Variants in PACSIN1 observed in about 807,000 individuals in gnomAD.
The protein encoded by PACSIN1 is protein kinase C and casein kinase substrate in neurons 1.
In PACSIN1, 15 loss-of-function variants were observed where a neutral mutation model predicts 59.5. The observed-to-expected ratio is 0.25, with a 90% CI of 0.17 to 0.39. The LOEUF (loss-of-function observed/expected upper bound fraction) is 0.39, where lower values mean the gene tolerates loss of function less well. Ranked by LOEUF, PACSIN1 falls within the 10% of genes least tolerant of loss-of-function variation. PACSIN1 has a pLI of 1.00. For missense variants in PACSIN1, 420 were observed against 580.2 expected (o/e 0.72, Z 2.84); for synonymous variants, 210 against 220.6 (o/e 0.95, Z 0.42).
intron 1 of PACSIN1, among the ~76,000 whole-genome samples, chr6:34,504,183 T>A (rs2127259825): frequency 6.6e-6 from 1 of 151,924 alleles, no homozygotes; most frequent in Admixed American, 6.6e-5. Context: ...TACCCTCCCA[T>A]TTATAATCTA....
At chr6:34,507,674 A>C (rs1767135554) in intron 1 of PACSIN1, among the ~76,000 whole-genome samples, 1 of 152,188 alleles carries the variant, frequency 6.6e-6, no homozygotes, top group Non-Finnish European at 1.5e-5. Flanking sequence ...TACAAAGATG[A>C]AGCTTTATAC....
rs925052476 is a variant in PACSIN1 at position 34,516,306 on chromosome 6, G to A, written c.-63-9937G>A. ...CGTGGCTCTGCTCATTTCTGCAAAC[G>A]TTAGACGCACATTCACAGAGTGCTG... On this transcript the variant is annotated intron_variant, in intron 1 of 9. Coordinates refer to ENST00000244458, the MANE Select transcript of PACSIN1 (RefSeq NM_020804.5). The surrounding 1 kb of genome is among the most constrained non-coding windows in gnomAD (Gnocchi z 5.4). 3.9e-5 allele frequency among the ~76,000 whole-genome samples: 6 copies of A among 152,190 alleles called. No homozygotes were observed. Among genetic ancestry groups the A allele is most frequent in the East Asian group, 1.9e-4 (1 of 5,198 alleles).
intron 1 of PACSIN1, among the ~76,000 whole-genome samples, chr6:34,481,076 C>T (rs1398065426): frequency 6.6e-6 from 1 of 151,914 alleles, no homozygotes; most frequent in Non-Finnish European, 1.5e-5. Flanking sequence ...GACAAGGTCT[C>T]ACTCTGTTGC....
intron 3 of PACSIN1, among the ~76,000 whole-genome samples, chr6:34,527,886 T>C (rs757924216): frequency 4.6e-5 from 7 of 152,192 alleles, no homozygotes; most frequent in African/African-American, 7.2e-5. Flanking sequence ...AAATTCTTCA[T>C]GTATCTCCTA....
intron 1 of PACSIN1, among the ~76,000 whole-genome samples, chr6:34,497,080 C>A (rs1175663938): frequency 1.3e-5 from 2 of 151,226 alleles, no homozygotes; most frequent in Admixed American, 6.6e-5. Context: ...TCCCAAGTAG[C>A]TGGGAATACA....
intron 1 of PACSIN1, among the ~76,000 whole-genome samples, chr6:34,478,061 C>CTT (rs58616178): frequency 0.088 from 10,098 of 114,522 alleles, 435 homozygotes; most frequent in Non-Finnish European, 0.1. Flanking sequence ...CCCCTTTATC[C>CTT]TTTTTTTTTT....
In PACSIN1 at chr6:34,518,943, TG is replaced by T. The variant is rs762762919; in HGVS notation, c.-63-7298del. ...CTCTAAAGATGTGGGCTGTGCAAAA[TG>T]GTGTCTTGTCTACTTGGCTTGAGAG... On this transcript the variant is annotated intron_variant, in intron 1 of 9. Coordinates refer to ENST00000244458, the MANE Select transcript of PACSIN1 (RefSeq NM_020804.5). This position sits in a 1 kb window ranked among gnomAD's most constrained non-coding sequence, Gnocchi z 4.4. 2.6e-5 allele frequency among the ~76,000 whole-genome samples: 4 copies of T among 152,112 alleles called. No individual in the cohort carries two copies. The highest frequency in any genetic ancestry group is 2.1e-4 in the South Asian group (1 of 4,834).
At chr6:34,511,278 A>G (rs1767198596) in intron 1 of PACSIN1, among the ~76,000 whole-genome samples, 1 of 152,200 alleles carries the variant, frequency 6.6e-6, no homozygotes, top group Non-Finnish European at 1.5e-5. Flanking sequence ...CCCTTAACCT[A>G]GGAGTCTCAC....
At chr6:34,509,623 A>T (rs887962872) in intron 1 of PACSIN1, among the ~76,000 whole-genome samples, 1 of 152,054 alleles carries the variant, frequency 6.6e-6, no homozygotes, top group African/African-American at 2.4e-5. Flanking sequence ...TTTAAGAGGG[A>T]TTACATTGAG....
At chr6:34,468,673 G>A (rs570702804) in intron 1 of PACSIN1, among the ~76,000 whole-genome samples, 2 of 152,164 alleles carry the variant, frequency 1.3e-5, no homozygotes, top group South Asian at 2.1e-4. Context: ...TCTCACCCTC[G>A]GGAGTCCACT....
chr6:34,519,378 G>T (rs1421023932), intron 1 of PACSIN1, among the ~76,000 whole-genome samples: 2 of 152,116 alleles, frequency 1.3e-5, no homozygotes, highest in African/African-American at 4.8e-5. Context: ...GCTCCCTGGG[G>T]ACTGCCTGGA....
At chr6:34,505,631 CTTTTT>C (rs35588714) in intron 1 of PACSIN1, among the ~76,000 whole-genome samples, 1 of 106,428 alleles carries the variant, frequency 9.4e-6, no homozygotes. Context: ...TACCTCCATA[CTTTTT>C]TTTTTTTTTT....
rs1767328632 is a variant in PACSIN1, at chr6:34,518,283, C to T, written c.-63-7960C>T. 6.6e-6 allele frequency among the ~76,000 whole-genome samples: 1 copy of T among 152,214 alleles called. No individual in the cohort carries two copies. ...TGCGCACTCCCACCAGGAGTGTTGC[C>T]CACAGAGGAGGCAGCCTGGCCCCTG... On this transcript the variant is annotated intron_variant, in intron 1 of 9. Coordinates refer to ENST00000244458, the MANE Select transcript of PACSIN1 (RefSeq NM_020804.5). The surrounding 1 kb of genome is among the most constrained non-coding windows in gnomAD (Gnocchi z 4.4).
chr6:34,527,521 C>T lies in PACSIN1; in HGVS notation c.220+33C>T, dbSNP rs199894806. ...CCCAGGCTCACATCGTGCGCGCCCC[C>T]AGGCCGTCACGAGCCCCCTAGGTCT... On this transcript the variant is annotated intron_variant, in intron 3 of 9. Coordinates refer to ENST00000244458, the MANE Select transcript of PACSIN1 (RefSeq NM_020804.5). 2.6e-5 allele frequency: 41 copies of T among 1,548,480 alleles called. No homozygotes were observed. In the East Asian group the frequency reaches 6.3e-4, roughly 24 times the overall value.
intron 1 of PACSIN1, among the ~76,000 whole-genome samples, chr6:34,513,025 G>T (rs1028454104): frequency 6.6e-6 from 1 of 152,142 alleles, no homozygotes; most frequent in Non-Finnish European, 1.5e-5. Flanking sequence ...TGGGCTTTCC[G>T]AGAACCCACT....
intron 1 of PACSIN1, among the ~76,000 whole-genome samples, chr6:34,489,929 G>A (rs1449918390): frequency 6.6e-6 from 1 of 152,192 alleles, no homozygotes; most frequent in Non-Finnish European, 1.5e-5. Flanking sequence ...GGGTTGCAGG[G>A]TCCTTCCTTC....
At chr6:34,498,601 C>G (rs181439672) in intron 1 of PACSIN1, among the ~76,000 whole-genome samples, 3 of 151,910 alleles carry the variant, frequency 2.0e-5, no homozygotes, top group Non-Finnish European at 4.4e-5. Context: ...AGTTTAAGAC[C>G]AGTCTGGGCA....
At chr6:34,513,012 G>C (rs997023437) in intron 1 of PACSIN1, among the ~76,000 whole-genome samples, 4 of 152,142 alleles carry the variant, frequency 2.6e-5, no homozygotes, top group Non-Finnish European at 4.4e-5. Context: ...CTTGAGACAG[G>C]CCTGGGCTTT....
intron 1 of PACSIN1, among the ~76,000 whole-genome samples, chr6:34,484,530 A>G (rs1316211867): frequency 2.0e-5 from 3 of 152,194 alleles, no homozygotes; most frequent in African/African-American, 7.2e-5. Flanking sequence ...GATGGTAGAT[A>G]CATGTCATCA....
Sources: gnomAD v4.1 joint callset for allele counts (sites outside exome capture counted in the v4.1 genomes callset) on GRCh38, gnomAD v4.1.1 for gene constraint, Gnocchi (gnomAD v3.1) non-coding constraint, MANE v1.5 for transcripts, NCBI Gene and HGNC (gene_info 2026-07-23, HGNC 2026-07-21) for gene names.